The following ZNF277 variants were observed in gnomAD, a reference collection of about 807,000 sequenced individuals.
ZNF277 encodes zinc finger protein 277, also known as nuclear receptor-interacting factor 4.
In ZNF277, 55 loss-of-function variants were observed where a neutral mutation model predicts 60.7. That is an observed-to-expected ratio of 0.91 (90% confidence interval 0.73 to 1.13). ZNF277 has a LOEUF of 1.13. Ranked by LOEUF, ZNF277 falls within the 50% of genes most tolerant of loss-of-function variation. ZNF277 has a pLI of 0.00. For missense variants in ZNF277, 510 were observed against 523.0 expected (o/e 0.98, Z 0.24); for synonymous variants, 178 against 179.3 (o/e 0.99, Z 0.06).
Position 112,342,550 on chromosome 7 carries a change from G to A in ZNF277, c.1185-11G>A. On this transcript the variant is annotated splice_polypyrimidine_tract_variant and intron_variant, in intron 11 of 11. Coordinates refer to ENST00000361822, the MANE Select transcript of ZNF277 (RefSeq NM_021994.3). ...GGTAATTTAATACTATGTATCTGTG[G>A]TTGTTTTCAGGTATTATTTTCCAAC... is the stretch of plus-strand genomic sequence containing the variant. The A allele has an allele frequency of 6.3e-7, 1 of 1,597,170 alleles. No individual in the cohort carries two copies. The highest frequency in any genetic ancestry group is 8.5e-7 in the Non-Finnish European group (1 of 1,171,686).
intron 1 of ZNF277, among the ~76,000 whole-genome samples, chr7:112,207,337 G>T (rs187515604): frequency 6.6e-6 from 1 of 152,264 alleles, no homozygotes; most frequent in African/African-American, 2.4e-5. Flanking sequence ...CCTCTGAAGG[G>T]AAAGTGTGTG....
chr7:112,317,000 A>C (rs1482410895), intron 4 of ZNF277, among the ~76,000 whole-genome samples: 1 of 152,104 alleles, frequency 6.6e-6, no homozygotes, highest in Non-Finnish European at 1.5e-5. Flanking sequence ...TGTCCTTAGC[A>C]AGGACATGGA....
intron 4 of ZNF277, among the ~76,000 whole-genome samples, chr7:112,299,441 C>G (rs916791750): frequency 2.0e-5 from 3 of 152,016 alleles, no homozygotes; most frequent in Non-Finnish European, 4.4e-5. Context: ...ACTGGTATAC[C>G]ATTTCTGAGA....
chr7:112,334,063 C>T (rs1265194937), intron 7 of ZNF277, among the ~76,000 whole-genome samples: 1 of 152,142 alleles, frequency 6.6e-6, no homozygotes, highest in African/African-American at 2.4e-5. Flanking sequence ...CCACTTATAA[C>T]AAAAGTAAGC....
intron 4 of ZNF277, among the ~76,000 whole-genome samples, chr7:112,317,079 C>T (rs898299569): frequency 2.6e-5 from 4 of 152,046 alleles, no homozygotes; most frequent in Admixed American, 6.6e-5. Flanking sequence ...CATGTTCTCA[C>T]TCATAAGTAA....
chr7:112,341,867 C>T lies in ZNF277; in HGVS notation c.1185-694C>T, dbSNP rs557767646. Among the ~76,000 whole-genome samples, 3 of 152,290 alleles carry T rather than the reference C, an allele frequency of 2.0e-5. No individual in the cohort carries two copies. In the South Asian group the frequency reaches 6.2e-4, roughly 32 times the overall value. On this transcript the variant is annotated intron_variant, in intron 11 of 11. Transcript: ENST00000361822. Reference sequence around the variant, plus strand: ...TTCTAGTTTTTCTCCTTCAGAAAATCCCACACTTGTGAGGGTACCCTGTTT... The same window carrying T: ...TTCTAGTTTTTCTCCTTCAGAAAATTCCACACTTGTGAGGGTACCCTGTTT...
At position 112,282,256 on chromosome 7, in the gene ZNF277, G is replaced by A. The variant is rs59240659; in HGVS notation, c.92-4617G>A. Among the ~76,000 whole-genome samples the A allele has an allele frequency of 9.1e-3, 1,384 of 152,336 alleles. 27 individuals are homozygous for A. The highest frequency in any genetic ancestry group is 0.031 in the African/African-American group (1,307 of 41,572). ...TGCTCTTGTTGGGCATGGAGAGATG[G>A]GGTGGGCCAAGCCCACAGGAGAACC... On this transcript the variant is annotated intron_variant, in intron 1 of 11. Transcript: ENST00000361822.
At chr7:112,291,305 C>A (rs1035287962) in intron 2 of ZNF277, among the ~76,000 whole-genome samples, 5 of 152,064 alleles carry the variant, frequency 3.3e-5, no homozygotes, top group African/African-American at 1.2e-4. Flanking sequence ...ATAACCATAC[C>A]AATTACAGTG....
intron 1 of ZNF277, among the ~76,000 whole-genome samples, chr7:112,232,455 C>G (rs771263131): frequency 7.9e-5 from 12 of 152,064 alleles, no homozygotes; most frequent in Non-Finnish European, 1.6e-4. Flanking sequence ...AGCTAGATTA[C>G]AAATGAAGTA....
chr7:112,315,620 ATG>A (rs1792827137), intron 4 of ZNF277, among the ~76,000 whole-genome samples: 2 of 152,120 alleles, frequency 1.3e-5, no homozygotes, highest in African/African-American at 4.8e-5. Flanking sequence ...AGGTTAAATT[ATG>A]TCTTGAATTT....
chr7:112,331,111 T>C (rs1584417264), intron 7 of ZNF277, among the ~76,000 whole-genome samples: 1 of 152,118 alleles, frequency 6.6e-6, no homozygotes, highest in Admixed American at 6.6e-5. Flanking sequence ...GCTTGTAGGG[T>C]AGACTAACCA....
intron 1 of ZNF277, among the ~76,000 whole-genome samples, chr7:112,263,795 T>C (rs933004106): frequency 4.6e-5 from 7 of 152,172 alleles, no homozygotes; most frequent in South Asian, 2.1e-4. Context: ...TTTATGAGCA[T>C]CACATATCTC....
At chr7:112,287,140 C>T in intron 2 of ZNF277, 66 bp downstream of exon 2, 1 of 1,556,526 alleles carries the variant, frequency 6.4e-7, no homozygotes, top group Non-Finnish European at 8.8e-7. Flanking sequence ...TGTCTGTAAT[C>T]CTAGTACTTT....
At chr7:112,283,506 G>A (rs551902520) in intron 1 of ZNF277, among the ~76,000 whole-genome samples, 1 of 152,316 alleles carries the variant, frequency 6.6e-6, no homozygotes, top group African/African-American at 2.4e-5. Context: ...CTGGGCAACA[G>A]AGTGAGACTC....
At chr7:112,306,052 T>C (rs1365983466) in intron 4 of ZNF277, among the ~76,000 whole-genome samples, 2 of 152,108 alleles carry the variant, frequency 1.3e-5, no homozygotes, top group Non-Finnish European at 2.9e-5. Context: ...ATGAGAATTT[T>C]AATTTTTGTT....
chr7:112,210,578 T>TC (rs1821716965), intron 1 of ZNF277, among the ~76,000 whole-genome samples: 1 of 151,888 alleles, frequency 6.6e-6, no homozygotes, highest in Non-Finnish European at 1.5e-5. Context: ...TTCAAGTGAT[T>TC]CTCCTGCCAC....
chr7:112,285,003 A>C (rs1792031019), intron 1 of ZNF277, among the ~76,000 whole-genome samples: 1 of 152,118 alleles, frequency 6.6e-6, no homozygotes, highest in Non-Finnish European at 1.5e-5. Flanking sequence ...GAATGAATGA[A>C]TGCTGCCCTC....
At chr7:112,210,204 T>C (rs1429041412) in intron 1 of ZNF277, among the ~76,000 whole-genome samples, 9 of 152,204 alleles carry the variant, frequency 5.9e-5, no homozygotes. Flanking sequence ...CTGCTTCTTT[T>C]AAGAGATTTT....
chr7:112,216,086 G>A (rs1444602447), intron 1 of ZNF277, among the ~76,000 whole-genome samples: 1 of 152,188 alleles, frequency 6.6e-6, no homozygotes, highest in East Asian at 1.9e-4. Context: ...GGAAAGGAAG[G>A]TGAGAGTCTG....
Sources: gnomAD v4.1 joint callset for allele counts (sites outside exome capture counted in the v4.1 genomes callset) on GRCh38, gnomAD v4.1.1 for gene constraint, MANE v1.5 for transcripts, NCBI Gene and HGNC (gene_info 2026-07-23, HGNC 2026-07-21) for gene names.